Variants in CCNT1 observed in about 807,000 individuals in gnomAD.
CCNT1 encodes the protein cyclin-T1.
Under a neutral mutation model 67.3 loss-of-function variants are expected in CCNT1, and 18 were observed. That is an observed-to-expected ratio of 0.27 (90% CI 0.18 to 0.40). The LOEUF is 0.40. CCNT1 is among the 10% of genes least tolerant of loss of function. CCNT1 has a pLI of 1.00. For synonymous variants in CCNT1, 333 were observed against 310.3 expected, an observed-to-expected ratio of 1.07 and a Z score of -0.77; for missense variants, 744 against 884.9, an observed-to-expected ratio of 0.84 and a Z score of 2.02.
At chr12:48,707,148 A>G (rs1275570616) in intron 2 of CCNT1, among the ~76,000 whole-genome samples, 2 of 152,232 alleles carry the variant, frequency 1.3e-5, no homozygotes, top group African/African-American at 4.8e-5. Flanking sequence ...CTCAGACTTT[A>G]GGATAAACAA....
chr12:48,702,604 G>A (rs1179251947), intron 3 of CCNT1, among the ~76,000 whole-genome samples: 4 of 152,104 alleles, frequency 2.6e-5, no homozygotes, highest in Non-Finnish European at 4.4e-5. Flanking sequence ...CCAATATGGT[G>A]AAACCCTGTC....
intron 2 of CCNT1, among the ~76,000 whole-genome samples, chr12:48,708,185 G>A (rs111516507): frequency 3.3e-5 from 5 of 152,132 alleles, no homozygotes; most frequent in South Asian, 2.1e-4. Context: ...ATCAGCCTGC[G>A]TAACACAATG....
At chr12:48,710,890 G>T (rs550987056) in intron 2 of CCNT1, among the ~76,000 whole-genome samples, 1 of 152,006 alleles carries the variant, frequency 6.6e-6, no homozygotes, top group Non-Finnish European at 1.5e-5. Flanking sequence ...GTGAAACCCC[G>T]TCTCTACTAA....
chr12:48,703,562 A>G (rs1397004084), intron 3 of CCNT1, among the ~76,000 whole-genome samples: 1 of 151,970 alleles, frequency 6.6e-6, no homozygotes, highest in Non-Finnish European at 1.5e-5. Context: ...AACAAGAGCA[A>G]AACTCCAACT....
At chr12:48,698,269 T>A (rs1253899290) in intron 5 of CCNT1, 86 bp from the exon 6 acceptor site, 1 of 987,450 alleles carries the variant, frequency 1.0e-6, no homozygotes, top group South Asian at 1.7e-5. Context: ...AGTAAGCATT[T>A]AATATTTGCA....
Position 48,696,076 on chromosome 12 carries a change from C to A in CCNT1, c.629G>T (p.Trp210Leu). The part of the protein sequence containing the change: ...CIHLACKWSN[W>L]EIPVSTDGKH... ...CCCGTCAGTTGAGACTGGGATCTCC[C>A]AATTGGACCACTTGCAAGCCAGGTG... The change falls in exon 7 of 9, where the codon TGG becomes TTG. Residue 210 changes from tryptophan to leucine, a missense_variant. Coordinates refer to ENST00000261900, the MANE Select transcript of CCNT1 (RefSeq NM_001240.4). 6.2e-7 allele frequency: 1 copy of A among 1,613,920 alleles called. No homozygotes were observed. Among genetic ancestry groups the A allele is most frequent in the South Asian group, 1.1e-5 (1 of 91,072 alleles).
rs1940104666 is a variant in CCNT1 at position 48,693,148 on chromosome 12, T to C, written c.2066A>G (p.Asp689Gly). The C allele has an allele frequency of 6.2e-7, 1 of 1,614,154 alleles. No individual in the cohort carries two copies. Among genetic ancestry groups the C allele is most frequent in the South Asian group, 1.1e-5 (1 of 91,084 alleles). ...TAFEFVRPYS[D>G]YLNPRSGGIS... ...TCCACCAGACCGAGGATTCAGATAGTCACTATAAGGACGAACAAATTCAAA... is the reference window on the plus strand; with the variant it reads ...TCCACCAGACCGAGGATTCAGATAGCCACTATAAGGACGAACAAATTCAAA... The change falls in exon 9 of 9, where the codon GAC becomes GGC. Residue 689 changes from aspartate (D) to glycine (G), a missense_variant. Physicochemically the swap from Asp to Gly is moderately conservative, Grantham distance 94. Coordinates refer to ENST00000261900, the MANE Select transcript of CCNT1 (RefSeq NM_001240.4).
chr12:48,715,500 G>T (rs1423558788), intron 1 of CCNT1, among the ~76,000 whole-genome samples: 1 of 150,478 alleles, frequency 6.6e-6, no homozygotes, highest in African/African-American at 2.4e-5. Flanking sequence ...CACTATTGTT[G>T]CCCAAGCTGG....
chr12:48,705,951 A>G (rs1197213519), intron 2 of CCNT1, 55 bp from the exon 3 acceptor site: 2 of 1,530,030 alleles, frequency 1.3e-6, no homozygotes, highest in Middle Eastern at 1.7e-4. Flanking sequence ...TTCATAGAGT[A>G]AGGTAGATCT....
chr12:48,697,166 C>CAA (rs1373212178), intron 6 of CCNT1, among the ~76,000 whole-genome samples: 1 of 152,058 alleles, frequency 6.6e-6, no homozygotes, highest in Non-Finnish European at 1.5e-5. Flanking sequence ...AAGACTGAAA[C>CAA]TCTTAACATC....
rs1257471171 is a variant in CCNT1 at position 48,693,948 on chromosome 12, G to C, written c.1266C>G (p.Ala422=). ...TATCATGATGAGAAAGGAGATTCTG[G>C]GCAGCATATGCATATTGTGACTTCA... is the stretch of plus-strand genomic sequence containing the variant. ...ANVKSQYAYA[A]QNLLSHHDSH... The change falls in exon 9 of 9, where the codon GCC becomes GCG. Residue 422 remains alanine, a synonymous_variant. Transcript: ENST00000261900. The C allele has an allele frequency of 6.2e-7, 1 of 1,614,076 alleles. No homozygotes were observed. Among genetic ancestry groups the C allele is most frequent in the South Asian group, 1.1e-5 (1 of 91,084 alleles).
In CCNT1 at chr12:48,714,452, G is replaced by A. The variant is rs771000597; in HGVS notation, c.234C>T (p.Phe78=). The change falls in exon 2 of 9, where the codon TTC becomes TTT. Residue 78 remains phenylalanine (F), a synonymous_variant. Transcript: ENST00000261900. ...AAAAAATTATACTTACATTTCCAGG[G>A]AACTGTGTGAAGGACTGAATCATGT... is the stretch of plus-strand genomic sequence containing the variant. ...RFYMIQSFTQ[F]PGNSVAPAAL... The A allele has an allele frequency of 9.5e-6, 15 of 1,586,978 alleles. 1 individual carries two copies. In the South Asian group the frequency reaches 1.4e-4, roughly 15 times the overall value.
intron 1 of CCNT1, 112 bp downstream of exon 1, chr12:48,716,403 A>C: frequency 2.0e-6 from 2 of 1,004,332 alleles, no homozygotes; most frequent in Non-Finnish European, 2.9e-6. Context: ...CTAGACATCC[A>C]GCTTCTGCCC....
In CCNT1 at chr12:48,693,244, T is replaced by A; in HGVS notation, c.1970A>T (p.Tyr657Phe). ...NGHNTTQTID[Y>F]QDTVNMLHSL... is the part of the protein sequence containing the mutation. ...GTGAAGCATATTCACAGTGTCTTGATAGTCTATTGTCTGGGTCGTGTTGTG... is the reference window on the plus strand; with the variant it reads ...GTGAAGCATATTCACAGTGTCTTGAAAGTCTATTGTCTGGGTCGTGTTGTG... Residue 657 changes from tyrosine to phenylalanine, a missense_variant, in exon 9 of 9, where the codon TAT becomes TTT. Tyr to Phe is a conservative substitution (Grantham distance 22, BLOSUM62 3). Around this residue, in one of 3 missense-constraint regions of CCNT1, gnomAD observed 564 missense variants for 574.2 expected, o/e 0.98. Transcript: ENST00000261900. The A allele has an allele frequency of 6.2e-7, 1 of 1,614,226 alleles. No individual in the cohort carries two copies. The highest frequency in any genetic ancestry group is 1.3e-5 in the African/African-American group (1 of 75,066).
chr12:48,715,555 G>A (rs1012713017), intron 1 of CCNT1, among the ~76,000 whole-genome samples: 7 of 151,964 alleles, frequency 4.6e-5, no homozygotes, highest in African/African-American at 1.7e-4. Context: ...CCGCCTCCCG[G>A]GTTCAAGCGA....
At chr12:48,705,405 T>C (rs189055278) in intron 3 of CCNT1, among the ~76,000 whole-genome samples, 1 of 152,236 alleles carries the variant, frequency 6.6e-6, no homozygotes, top group Admixed American at 6.5e-5. Context: ...GTGCTGGGAT[T>C]ACAGGCATGA....
At chr12:48,714,624 A>G in intron 1 of CCNT1, 100 bp from the exon 2 acceptor site, 1 of 671,588 alleles carries the variant, frequency 1.5e-6, no homozygotes, top group Middle Eastern at 2.5e-4. Flanking sequence ...AAGCAAGTAG[A>G]TACTACTAAA....
rs1368450310 is a variant in CCNT1 at position 48,690,817 on chromosome 12, T to C, written c.*2216A>G. ...AAGGAGTGCATGTGATTAGAAAATATGTGACATTTGATGAGAGTAACTAAA... is the reference window on the plus strand; with the variant it reads ...AAGGAGTGCATGTGATTAGAAAATACGTGACATTTGATGAGAGTAACTAAA... On this transcript the variant is annotated 3_prime_UTR_variant, in exon 9 of 9. Coordinates refer to ENST00000261900, the MANE Select transcript of CCNT1 (RefSeq NM_001240.4). 1 of 152,200 alleles carries C rather than the reference T, an allele frequency of 6.6e-6. No individual in the cohort carries two copies. Among genetic ancestry groups the C allele is most frequent in the African/African-American group, 2.4e-5 (1 of 41,458 alleles). 9.4% of individuals were successfully genotyped at this position (152,200 alleles called of 1,614,324 possible).
At chr12:48,697,534 A>ATATAT (rs1555157838) in intron 6 of CCNT1, among the ~76,000 whole-genome samples, 10 of 130,692 alleles carry the variant, frequency 7.7e-5, no homozygotes, top group African/African-American at 3.0e-4. Context: ...AAAAAAAAAA[A>ATATAT]ATATATATAT....
Sources: allele counts gnomAD v4.1 joint callset (sites outside exome capture counted in the v4.1 genomes callset), GRCh38; gene constraint gnomAD v4.1.1; regional missense constraint gnomAD v4.1.1; transcripts MANE v1.5; gene names NCBI Gene and HGNC (gene_info 2026-07-23, HGNC 2026-07-21).